Variants in TYW5 observed in about 807,000 individuals in gnomAD.
TYW5 encodes tRNA-yW synthesizing protein 5, also known as tRNA wybutosine-synthesizing protein 5.
Under a neutral mutation model 44.4 loss-of-function variants are expected in TYW5, and 36 were observed. The ratio of observed to expected loss-of-function variants is 0.81; its 90% confidence interval spans 0.62 to 1.07. The LOEUF is 1.07. Among genes scored for constraint, TYW5 ranks in the 50% least tolerant of loss-of-function variants. TYW5 has a pLI of 0.00. For synonymous variants in TYW5, 121 were observed against 128.1 expected, an observed-to-expected ratio of 0.94 and a Z score of 0.37; for missense variants, 354 against 365.7, an observed-to-expected ratio of 0.97 and a Z score of 0.26.
At chr2:199,936,763 G>A (rs999417560) in intron 5 of TYW5, among the ~76,000 whole-genome samples, 2 of 152,166 alleles carry the variant, frequency 1.3e-5, no homozygotes, top group Non-Finnish European at 2.9e-5. Context: ...ACCATTAACT[G>A]ACAGCATAGT....
chr2:199,946,558 C>G (rs978804314), intron 2 of TYW5: 6 of 152,132 alleles, frequency 3.9e-5, no homozygotes, highest in Non-Finnish European at 7.3e-5. Flanking sequence ...TCTCCTGACT[C>G]TGAACAATGA....
At chr2:199,942,822 A>G (rs982502787) in intron 3 of TYW5, 5 of 152,002 alleles carry the variant, frequency 3.3e-5, no homozygotes, top group African/African-American at 1.2e-4. Flanking sequence ...AAGATTAAAA[A>G]GCAATTTGTT....
At chr2:199,936,561 T>G in intron 5 of TYW5, 69 bp from the exon 6 acceptor site, 60 of 1,288,390 alleles carry the variant, frequency 4.7e-5, no homozygotes, top group Middle Eastern at 3.8e-4. Flanking sequence ...AATGGCATGC[T>G]AAACTTTAAC....
intron 4 of TYW5, among the ~76,000 whole-genome samples, chr2:199,939,366 G>A (rs2077446932): frequency 6.6e-6 from 1 of 152,190 alleles, no homozygotes. Flanking sequence ...GCCTCCCAAA[G>A]TGCTGGGATT....
intron 1 of TYW5, among the ~76,000 whole-genome samples, chr2:199,952,030 A>G (rs578147303): frequency 6.6e-6 from 1 of 152,268 alleles, no homozygotes; most frequent in East Asian, 1.9e-4. Context: ...AAAAAAAAAA[A>G]ATCATAAATA....
At chr2:199,935,535 A>G (rs567423184) in intron 7 of TYW5, among the ~76,000 whole-genome samples, 6 of 150,426 alleles carry the variant, frequency 4.0e-5, no homozygotes, top group South Asian at 2.1e-4. Flanking sequence ...TTTTGTCGAG[A>G]CGGGGTCTCG....
intron 1 of TYW5, among the ~76,000 whole-genome samples, chr2:199,950,013 C>T (rs970842359): frequency 6.6e-6 from 1 of 152,032 alleles, no homozygotes; most frequent in Admixed American, 6.5e-5. Flanking sequence ...AACCCGACGT[C>T]TTTTATACTT....
chr2:199,949,469 T>A (rs1358883520), intron 1 of TYW5, among the ~76,000 whole-genome samples: 1 of 152,204 alleles, frequency 6.6e-6, no homozygotes, highest in Non-Finnish European at 1.5e-5. Flanking sequence ...CTTTGCTTTA[T>A]TTTTTCCTAA....
Position 199,955,471 on chromosome 2 carries a change from G to A in TYW5, c.-1C>T. 4 of 1,613,664 alleles carry A rather than the reference G, an allele frequency of 2.5e-6. No individual in the cohort carries two copies. Among genetic ancestry groups the A allele is most frequent in the South Asian group, 2.2e-5 (2 of 90,956 alleles). On this transcript the variant is annotated 5_prime_UTR_variant, in exon 1 of 8. Coordinates refer to ENST00000354611, the MANE Select transcript of TYW5 (RefSeq NM_001039693.3). ...GTACCGGGAGGTGCTGCCCGGCCAT[G>A]GTTGCTCACGCCTGCCCTCTTCCAG...
At chr2:199,948,974 A>T (rs573103670) in intron 1 of TYW5, among the ~76,000 whole-genome samples, 1 of 152,324 alleles carries the variant, frequency 6.6e-6, no homozygotes, top group South Asian at 2.1e-4. Flanking sequence ...TGCTGACACC[A>T]TGGTCCTTAT....
At chr2:199,955,218 A>T (rs1024494644) in intron 1 of TYW5, 175 bp downstream of exon 1, 20 of 609,292 alleles carry the variant, frequency 3.3e-5, no homozygotes, top group Middle Eastern at 4.0e-4. Context: ...TAGAGGAGCC[A>T]GTCGGCGTCC....
chr2:199,944,033 T>C (rs2077486056), intron 2 of TYW5, 199 bp from the exon 3 acceptor site: 6 of 440,178 alleles, frequency 1.4e-5, no homozygotes, highest in Admixed American at 1.2e-4. Context: ...ATCTAAGTTG[T>C]CTGAAATTTT....
chr2:199,945,022 A>G (rs2077493733), intron 2 of TYW5: 1 of 152,208 alleles, frequency 6.6e-6, no homozygotes, highest in South Asian at 2.1e-4. Flanking sequence ...GTGGCCTATA[A>G]GTGGACTACA....
chr2:199,955,015 TAGG>T (rs777603830), intron 1 of TYW5, among the ~76,000 whole-genome samples: 12 of 152,032 alleles, frequency 7.9e-5, no homozygotes, highest in Non-Finnish European at 1.5e-4. Context: ...TCAAGACGAG[TAGG>T]AGTTTTCCGG....
chr2:199,951,877 T>C (rs1374234204), intron 1 of TYW5, among the ~76,000 whole-genome samples: 1 of 151,734 alleles, frequency 6.6e-6, no homozygotes, highest in Non-Finnish European at 1.5e-5. Flanking sequence ...ATTAGCCGGG[T>C]GTGGTGGCGG....
chr2:199,952,587 G>A (rs1382108406), intron 1 of TYW5, among the ~76,000 whole-genome samples: 1 of 152,066 alleles, frequency 6.6e-6, no homozygotes, highest in African/African-American at 2.4e-5. Flanking sequence ...TGAGATAAAT[G>A]TTGCAAATAT....
intron 1 of TYW5, among the ~76,000 whole-genome samples, chr2:199,949,589 G>A (rs1481547552): frequency 2.0e-5 from 3 of 152,172 alleles, no homozygotes; most frequent in African/African-American, 7.2e-5. Flanking sequence ...CATTTTGGAA[G>A]AGTATAGGCC....
At chr2:199,955,314 A>T in intron 1 of TYW5, 79 bp downstream of exon 1, 1 of 1,517,706 alleles carries the variant, frequency 6.6e-7, no homozygotes, top group Non-Finnish European at 8.9e-7. Flanking sequence ...GTCTCTAAAA[A>T]CCAGTTCCCA....
chr2:199,936,401 A>G lies in TYW5; in HGVS notation c.574+4T>C, dbSNP rs745635585. 34 of 1,607,022 alleles carry G rather than the reference A, an allele frequency of 2.1e-5. No homozygotes were observed. The Middle Eastern group carries it at 5.0e-4, about 24-fold the overall frequency. On this transcript the variant is annotated splice_donor_region_variant and intron_variant, in intron 6 of 7. Coordinates refer to ENST00000354611, the MANE Select transcript of TYW5 (RefSeq NM_001039693.3). ...GAAATATAAACTTAAAAAAAATCCC[A>G]TACCTTTTAAATATAAATACTGGGC...
Sources: allele counts gnomAD v4.1 joint callset (sites outside exome capture counted in the v4.1 genomes callset), GRCh38; gene constraint gnomAD v4.1.1; transcripts MANE v1.5; gene names NCBI Gene and HGNC (gene_info 2026-07-23, HGNC 2026-07-21).